PIN4: variants seen among roughly 807,000 people sequenced by gnomAD.
PIN4 encodes the protein peptidylprolyl cis/trans isomerase, NIMA-interacting 4, also known as peptidyl-prolyl cis-trans isomerase NIMA-interacting 4.
PIN4 carries 3 observed loss-of-function variants against 8.3 expected under a neutral mutation model. The ratio of observed to expected loss-of-function variants is 0.36; its 90% CI spans 0.16 to 0.93. The LOEUF (loss-of-function observed/expected upper bound fraction) is 0.93, where lower values mean the gene tolerates loss of function less well. Among genes scored for constraint, PIN4 ranks in the 40% least tolerant of loss-of-function variants. PIN4 has a pLI of 0.44. For synonymous variants in PIN4, 18 were observed against 32.5 expected (o/e 0.55, Z 1.52); for missense variants, 75 against 100.6 (o/e 0.75, Z 1.09).
At chrX:72,249,442 G>T (rs1462803134) in intron 3 of PIN4, among the ~76,000 whole-genome samples, 1 of 111,790 alleles carries the variant, frequency 8.9e-6, no homozygotes, top group African/African-American at 3.3e-5. Flanking sequence ...CAAGAGAAAT[G>T]AGTATATGTG....
intron 3 of PIN4, among the ~76,000 whole-genome samples, chrX:72,229,492 C>G (rs1172576979): frequency 8.9e-6 from 1 of 111,919 alleles, no homozygotes; most frequent in African/African-American, 3.2e-5. Context: ...CTGGCCTCCT[C>G]CTTGTCCATT....
rs767949873 is a variant in PIN4 at position 72,185,628 on chromosome X, C to A, written c.44-833C>A. Among the ~76,000 whole-genome samples, 3 of 112,255 alleles carry A rather than the reference C, an allele frequency of 2.7e-5. No individual in the cohort carries two copies. In the South Asian group the frequency reaches 1.1e-3, roughly 41 times the overall value. ...CTGAGCCCTTAATTCAACTGTAATT[C>A]TTAGGAACATCAGCCTCTAGCAGTA... On this transcript the variant is annotated intron_variant, in intron 1 of 3. Coordinates refer to ENST00000373669, the MANE Select transcript of PIN4 (RefSeq NM_006223.4).
chrX:72,216,036 CTG>C lies in PIN4; in HGVS notation c.312+19134_312+19135del, dbSNP rs781765184. On this transcript the variant is annotated intron_variant, in intron 3 of 3. Coordinates refer to the PIN4 transcript ENST00000423432. ...AGAAGATTTTATCCACGGGAGTGCC[CTG>C]TACTAGGTTAAATAGAGTCCTCCAA... Among the ~76,000 whole-genome samples the C allele has an allele frequency of 1.9e-4, 21 of 110,407 alleles. No individual in the cohort carries two copies. The East Asian group carries it at 6.0e-3, about 31-fold the overall frequency.
chrX:72,256,146 G>A (rs1332137831), intron 3 of PIN4: 1 of 111,688 alleles, frequency 9.0e-6, no homozygotes, highest in East Asian at 2.8e-4. Flanking sequence ...AGGAAAAACC[G>A]GAGAGCAAAA....
chrX:72,239,066 G>A, intron 3 of PIN4: 1 of 536,669 alleles, frequency 1.9e-6, no homozygotes, highest in South Asian at 3.6e-5. Flanking sequence ...CCAACCGACG[G>A]CCTCGCGGCC....
At chrX:72,202,287 A>G (rs1429659249), downstream of PIN4, among the ~76,000 whole-genome samples, 1 of 112,723 alleles carries the variant, frequency 8.9e-6, no homozygotes, top group African/African-American at 3.2e-5. Context: ...GAATATGAGC[A>G]TGTATTTTTT....
In PIN4 at chrX:72,213,389, G is replaced by T. The variant is rs183351748; in HGVS notation, c.312+16485G>T. Among the ~76,000 whole-genome samples the T allele has an allele frequency of 9.8e-5, 11 of 111,761 alleles. No individual in the cohort carries two copies. In the East Asian group the frequency reaches 3.1e-3, roughly 31 times the overall value. ...AGCACAGGGGGAGGGAAAATGATCG[G>T]GATATAAATCCAGGCATTCGAGCCG... On this transcript the variant is annotated intron_variant, in intron 3 of 3. Transcript: ENST00000423432.
At chrX:72,204,886 G>C (rs2042806623) in intron 3 of PIN4, 1 of 510,448 alleles carries the variant, frequency 2.0e-6, no homozygotes, top group South Asian at 4.3e-5. Flanking sequence ...TTGCAGGGCA[G>C]AAGTTGCTTT....
At chrX:72,205,612 T>A in intron 3 of PIN4, 1 of 1,210,245 alleles carries the variant, frequency 8.3e-7, no homozygotes, top group Non-Finnish European at 1.1e-6. Flanking sequence ...AGATGAGAAT[T>A]GAAAGAGAGA....
rs779502950 is a variant in PIN4, at chrX:72,208,298, T to C, written c.312+11394T>C. The stretch of plus-strand genomic sequence containing the variant: ...ATGAATTCTTTTACCCATGTGTTAA[T>C]AAGATTGGTTGGCATGATCAGCAGC... On this transcript the variant is annotated intron_variant, in intron 3 of 3. Coordinates refer to the PIN4 transcript ENST00000423432. The C allele has an allele frequency of 6.6e-6, 8 of 1,210,316 alleles. No homozygotes were observed. In the South Asian group the frequency reaches 1.4e-4, roughly 21 times the overall value.
At chrX:72,247,703 G>T (rs891439714) in intron 3 of PIN4, among the ~76,000 whole-genome samples, 4 of 112,707 alleles carry the variant, frequency 3.5e-5, no homozygotes, top group Non-Finnish European at 5.6e-5. Flanking sequence ...GCCCTTCAAA[G>T]GTCTTGGCCC....
chrX:72,196,018 C>A (rs1442516733), intron 2 of PIN4, among the ~76,000 whole-genome samples: 1 of 110,540 alleles, frequency 9.0e-6, no homozygotes, highest in Non-Finnish European at 1.9e-5. Context: ...ACTCGGGAGG[C>A]TAAGGCAAGA....
chrX:72,185,081 T>G (rs1198076465), intron 1 of PIN4, among the ~76,000 whole-genome samples: 2 of 90,842 alleles, frequency 2.2e-5, no homozygotes, highest in Non-Finnish European at 4.2e-5. Flanking sequence ...GAGGCGGAGC[T>G]TGCAGTGAGC....
chrX:72,206,710 T>C, intron 3 of PIN4: 1 of 1,211,516 alleles, frequency 8.3e-7, no homozygotes, highest in Non-Finnish European at 1.1e-6. Context: ...ATCAAGCTCT[T>C]CTTTAACAGA....
At chrX:72,206,513 G>A in intron 3 of PIN4, 1 of 1,211,392 alleles carries the variant, frequency 8.3e-7, no homozygotes, top group Admixed American at 2.2e-5. Context: ...GAAGGCTGAG[G>A]CTGTGGTTTA....
chrX:72,186,234 C>G, intron 1 of PIN4: 1 of 388,324 alleles, frequency 2.6e-6, no homozygotes, highest in Non-Finnish European at 4.6e-6. Context: ...TTTTTTTTAG[C>G]TTGTCAACTA....
At chrX:72,223,197 G>A (rs1323891226) in intron 3 of PIN4, among the ~76,000 whole-genome samples, 9 of 101,183 alleles carry the variant, frequency 8.9e-5, no homozygotes, top group African/African-American at 2.5e-4. Context: ...AAAATTAGCC[G>A]GGCATGGTGG....
At chrX:72,201,549 C>G (rs2042790248), downstream of PIN4, among the ~76,000 whole-genome samples, 1 of 112,008 alleles carries the variant, frequency 8.9e-6, no homozygotes, top group Non-Finnish European at 1.9e-5. Context: ...GCGGAGGTTG[C>G]AGTGAATCAA....
chrX:72,184,134 T>A (rs927366850), intron 1 of PIN4, among the ~76,000 whole-genome samples: 1 of 111,401 alleles, frequency 9.0e-6, no homozygotes, highest in Non-Finnish European at 1.9e-5. Flanking sequence ...ATGGTTGAGG[T>A]TTTGTTAGGC....
Sources: allele counts gnomAD v4.1 joint callset (sites outside exome capture counted in the v4.1 genomes callset), GRCh38; gene constraint gnomAD v4.1.1; transcripts MANE v1.5; gene names NCBI Gene and HGNC (gene_info 2026-07-23, HGNC 2026-07-21).